Variants in PRKCI observed in about 807,000 individuals in gnomAD.
PRKCI encodes the protein protein kinase C iota.
PRKCI carries 43 observed loss-of-function variants against 84.0 expected under a neutral mutation model. That is an observed-to-expected ratio of 0.51 (90% CI 0.40 to 0.66). The LOEUF is 0.66. PRKCI is among the 30% of genes least tolerant of loss of function. PRKCI has a pLI of 0.00. For synonymous variants in PRKCI, 216 were observed against 234.4 expected, an observed-to-expected ratio of 0.92 and a Z score of 0.72; for missense variants, 459 against 745.6, an observed-to-expected ratio of 0.62 and a Z score of 4.48.
chr3:170,246,989 T>C (rs377294043), intron 2 of PRKCI, among the ~76,000 whole-genome samples: 4 of 152,188 alleles, frequency 2.6e-5, no homozygotes, highest in Non-Finnish European at 5.9e-5. Context: ...CCCTGTCTTA[T>C]AGCTTGCATT....
intron 2 of PRKCI, among the ~76,000 whole-genome samples, chr3:170,256,860 A>G (rs1449454802): frequency 6.6e-6 from 1 of 151,950 alleles, no homozygotes; most frequent in Non-Finnish European, 1.5e-5. Context: ...TGGTTTTGGT[A>G]GTAGTTGTGT....
chr3:170,247,505 C>T lies in PRKCI; in HGVS notation c.223+12154C>T, dbSNP rs1159926143. ...CAGCACTTTGGGAGGCAGAGGCGGG[C>T]GGATCACCTGAGGTCGGGAGTTCGA... On this transcript the variant is annotated intron_variant, in intron 2 of 17. Coordinates refer to ENST00000295797, the MANE Select transcript of PRKCI (RefSeq NM_002740.6). Among the ~76,000 whole-genome samples, 6 of 151,332 alleles carry T rather than the reference C, an allele frequency of 4.0e-5. No individual in the cohort carries two copies. The South Asian group carries it at 8.3e-4, about 21-fold the overall frequency.
intron 2 of PRKCI, among the ~76,000 whole-genome samples, chr3:170,237,322 A>G (rs1218242571): frequency 6.6e-6 from 1 of 152,190 alleles, no homozygotes; most frequent in Non-Finnish European, 1.5e-5. Flanking sequence ...AGCTTTGCAG[A>G]TCACATTAAA....
intron 4 of PRKCI, among the ~76,000 whole-genome samples, chr3:170,264,391 T>C (rs986014184): frequency 6.6e-6 from 1 of 152,156 alleles, no homozygotes; most frequent in Non-Finnish European, 1.5e-5. Context: ...GCAATTCTCC[T>C]GCCTCAGCCT....
chr3:170,291,744 C>T (rs904467294), intron 12 of PRKCI, 110 bp from the exon 13 acceptor site: 1 of 771,302 alleles, frequency 1.3e-6, no homozygotes, highest in Non-Finnish European at 2.2e-6. Context: ...GTTAAGTGAG[C>T]TTAATGTATC....
At chr3:170,235,973 A>G in intron 2 of PRKCI, among the ~76,000 whole-genome samples, 1 of 151,664 alleles carries the variant, frequency 6.6e-6, no homozygotes. Flanking sequence ...TTTTTTAAAG[A>G]CAGGGTCTTG....
intron 1 of PRKCI, 82 bp from the exon 2 acceptor site, chr3:170,235,148 T>G (rs1398331066): frequency 1.7e-5 from 24 of 1,397,862 alleles, no homozygotes; most frequent in Non-Finnish European, 2.2e-5. Context: ...CTGAAGTTCA[T>G]CAAATTGTCA....
At chr3:170,255,609 A>G (rs143217005) in intron 2 of PRKCI, among the ~76,000 whole-genome samples, 1 of 152,270 alleles carries the variant, frequency 6.6e-6, no homozygotes, top group Non-Finnish European at 1.5e-5. Flanking sequence ...AAACAAGGAT[A>G]ATTTGACTTC....
chr3:170,270,685 T>G, intron 6 of PRKCI, 124 bp downstream of exon 6: 1 of 1,203,168 alleles, frequency 8.3e-7, no homozygotes, highest in Non-Finnish European at 1.1e-6. Context: ...CTACAGAGTA[T>G]GGGGAGGAAT....
chr3:170,233,697 T>C (rs1732861659), intron 1 of PRKCI, among the ~76,000 whole-genome samples: 1 of 152,198 alleles, frequency 6.6e-6, no homozygotes, highest in South Asian at 2.1e-4. Flanking sequence ...AACTCCTTCA[T>C]TGAGTCTCTG....
At chr3:170,248,193 T>G (rs1375825212) in intron 2 of PRKCI, among the ~76,000 whole-genome samples, 2 of 152,170 alleles carry the variant, frequency 1.3e-5, no homozygotes, top group Non-Finnish European at 2.9e-5. Context: ...CTGAAATAAC[T>G]AAATAAAACA....
intron 2 of PRKCI, among the ~76,000 whole-genome samples, chr3:170,253,599 G>A (rs1337019948): frequency 6.6e-6 from 1 of 152,040 alleles, no homozygotes; most frequent in African/African-American, 2.4e-5. Flanking sequence ...AGACCATCCT[G>A]GCTAACATGG....
intron 4 of PRKCI, among the ~76,000 whole-genome samples, chr3:170,266,494 A>G (rs1368527183): frequency 6.6e-6 from 1 of 152,164 alleles, no homozygotes; most frequent in Admixed American, 6.5e-5. Context: ...AATCGTAAGT[A>G]AACAGACAAA....
rs75266191 is a variant in PRKCI at position 170,270,576 on chromosome 3, CTTTTT to C, written c.591+31_591+35del. On this transcript the variant is annotated intron_variant, in intron 6 of 17. Transcript: ENST00000295797. ...CTTTGCCACAGGTAAGATGTCTGTC[CTTTTT>C]TTTTTTTTTTTTTTTAAGAGCGTGC... is the stretch of plus-strand genomic sequence containing the variant. The C allele has an allele frequency of 7.3e-5, 100 of 1,364,954 alleles. No individual in the cohort carries two copies. The highest frequency in any genetic ancestry group is 2.8e-4 in the South Asian group (17 of 59,814). The allele number at this position is 1,364,954 out of a possible 1,614,324, so 84.6% of individuals were successfully genotyped here.
At chr3:170,240,480 A>G (rs1278078722) in intron 2 of PRKCI, among the ~76,000 whole-genome samples, 1 of 152,188 alleles carries the variant, frequency 6.6e-6, no homozygotes, top group East Asian at 1.9e-4. Flanking sequence ...TAAATTTTTC[A>G]TTAAGGTCTG....
intron 8 of PRKCI, among the ~76,000 whole-genome samples, chr3:170,277,815 C>T (rs1214984294): frequency 6.6e-6 from 1 of 151,832 alleles, no homozygotes; most frequent in Non-Finnish European, 1.5e-5. Context: ...TTATTATTAT[C>T]AGAGTTTAAA....
intron 2 of PRKCI, among the ~76,000 whole-genome samples, chr3:170,240,978 A>G (rs1001187588): frequency 1.3e-5 from 2 of 152,212 alleles, no homozygotes; most frequent in Non-Finnish European, 2.9e-5. Flanking sequence ...TTCTTGTGTA[A>G]CAAAAGTGTG....
rs765259096 is a variant in PRKCI, at chr3:170,222,761, A to G, written c.92A>G (p.Tyr31Cys). 29 of 1,607,400 alleles carry G rather than the reference A, an allele frequency of 1.8e-5. No homozygotes were observed. The highest frequency in any genetic ancestry group is 1.1e-5 in the South Asian group (1 of 90,368). Residue 31 changes from tyrosine to cysteine, a missense_variant, in exon 1 of 18, where the codon TAC becomes TGC. Tyr to Cys is a radical substitution (Grantham distance 194, BLOSUM62 -2). Around this residue, in one of 2 missense-constraint regions of PRKCI, gnomAD observed 250 missense variants for 319.7 expected, o/e 0.78. Coordinates refer to ENST00000295797, the MANE Select transcript of PRKCI (RefSeq NM_002740.6). ...DHSHQVRVKA[Y>C]YRGDIMITHF... ...TCCCACCAGGTCCGGGTGAAAGCCT[A>G]CTACCGCGGGTGAGTGTCCTGGGAC...
At chr3:170,277,734 T>C (rs1164220789) in intron 8 of PRKCI, among the ~76,000 whole-genome samples, 1 of 152,112 alleles carries the variant, frequency 6.6e-6, no homozygotes, top group Non-Finnish European at 1.5e-5. Context: ...ACACTTTTAC[T>C]GTTTCTCTAG....
Sources: gnomAD v4.1 joint callset for allele counts (sites outside exome capture counted in the v4.1 genomes callset) on GRCh38, gnomAD v4.1.1 for gene constraint, gnomAD v4.1.1 regional missense constraint, MANE v1.5 for transcripts, NCBI Gene and HGNC (gene_info 2026-07-23, HGNC 2026-07-21) for gene names.